The following MMP26 variants were observed in gnomAD, a reference collection of about 807,000 sequenced individuals.
The protein encoded by MMP26 is matrix metalloproteinase-26.
In MMP26, 33 loss-of-function variants were observed where a neutral mutation model predicts 31.0. The ratio of observed to expected loss-of-function variants is 1.06; its 90% CI spans 0.81 to 1.42. MMP26 has a LOEUF of 1.42. Among genes scored for constraint, MMP26 ranks in the 40% most tolerant of loss-of-function variants. The probability of loss-of-function intolerance (pLI) is 0.00; values close to 1 mark genes in which losing one functional copy is unlikely to be tolerated. For missense variants in MMP26, 347 were observed against 316.1 expected (o/e 1.10, Z -0.74); for synonymous variants, 122 against 114.9 (o/e 1.06, Z -0.40).
rs73405010 is a variant in MMP26, at chr11:4,881,980, C to G, written c.-144-106088C>G. 1,618 of 1,613,898 alleles carry G rather than the reference C, an allele frequency of 1.0e-3. 25 individuals carry two copies. In the African/African-American group the frequency reaches 0.018, roughly 18 times the overall value. ...TCCCTGGGCTGGAATGTGCTCATGTCTGGATCTCCATTCCAGTCTGCTGTC... is the reference window on the plus strand; with the variant it reads ...TCCCTGGGCTGGAATGTGCTCATGTGTGGATCTCCATTCCAGTCTGCTGTC... On this transcript the variant is annotated intron_variant, in intron 2 of 7. Transcript: ENST00000380390.
In MMP26 at chr11:4,749,636, C is replaced by T. The variant is rs74997566; in HGVS notation, c.-216-17634C>T. ...AGAAATAAAGCCACATATCTACAGC[C>T]GGCTGATCTGTGACAGTGTTGACAA... On this transcript the variant is annotated intron_variant, in intron 1 of 7. Transcript: ENST00000380390. 8.7e-4 allele frequency among the ~76,000 whole-genome samples: 133 copies of T among 152,092 alleles called. 1 individual carries two copies. Among genetic ancestry groups the T allele is most frequent in the African/African-American group, 2.9e-3 (122 of 41,532 alleles).
chr11:4,946,745 A>G (rs1846315751), intron 2 of MMP26: 8 of 1,589,294 alleles, frequency 5.0e-6, no homozygotes, highest in East Asian at 4.5e-5. Flanking sequence ...AAATGACATG[A>G]TCAGGAGGAC....
rs539100285 is a variant in MMP26, at chr11:4,915,013, C to T, written c.-144-73055C>T. On this transcript the variant is annotated intron_variant, in intron 2 of 7. Coordinates refer to ENST00000380390, the MANE Select transcript of MMP26 (RefSeq NM_021801.5). ...TCAGAGCATAAGAGAAGAGGATGAG[C>T]AGTGAGTCTATACCCACTGTAGAGA... 54 of 1,614,032 alleles carry T rather than the reference C, an allele frequency of 3.3e-5. No homozygotes were observed. In the South Asian group the frequency reaches 5.4e-4, roughly 16 times the overall value.
intron 2 of MMP26, among the ~76,000 whole-genome samples, chr11:4,813,837 C>T (rs1467362846): frequency 6.6e-6 from 1 of 151,234 alleles, no homozygotes; most frequent in Non-Finnish European, 1.5e-5. Flanking sequence ...AAAAAAAAAT[C>T]TCCTTCAAAA....
At chr11:4,747,495 G>T (rs1447088199) in intron 1 of MMP26, among the ~76,000 whole-genome samples, 1 of 152,166 alleles carries the variant, frequency 6.6e-6, no homozygotes, top group Non-Finnish European at 1.5e-5. Flanking sequence ...TACCTCTATA[G>T]AGAAGTCAGA....
At chr11:4,908,564 G>A (rs1228637708) in intron 2 of MMP26, 3 of 503,466 alleles carry the variant, frequency 6.0e-6, no homozygotes, top group Non-Finnish European at 1.1e-5. Flanking sequence ...GGAGCAGCTG[G>A]ATTTGAGTCA....
intron 2 of MMP26, among the ~76,000 whole-genome samples, chr11:4,953,504 G>A (rs1324637799): frequency 8.1e-6 from 1 of 122,726 alleles, no homozygotes; most frequent in Non-Finnish European, 1.8e-5. Context: ...AAAAGAGAGG[G>A]TCATAATACA....
At chr11:4,721,055 C>T (rs747489893) in intron 1 of MMP26, among the ~76,000 whole-genome samples, 11 of 152,172 alleles carry the variant, frequency 7.2e-5, no homozygotes, top group Admixed American at 4.6e-4. Flanking sequence ...CAGCAGCTTC[C>T]GGTGTCCTAG....
chr11:4,769,786 G>A (rs1848690247), intron 2 of MMP26: 1 of 1,613,606 alleles, frequency 6.2e-7, no homozygotes, highest in South Asian at 1.1e-5. Flanking sequence ...GGATCACGCT[G>A]TTCCCAGAGA....
At chr11:4,879,670 G>A (rs531303683) in intron 2 of MMP26, among the ~76,000 whole-genome samples, 46 of 152,220 alleles carry the variant, frequency 3.0e-4, no homozygotes, top group African/African-American at 1.1e-3. Context: ...GCGTTTGAAA[G>A]ATATAGTTTC....
rs77925397 is a variant in MMP26 at position 4,744,121 on chromosome 11, T to C, written c.-216-23149T>C. ...AGCAGGACTATTCTTACTCCCCATG[T>C]CTATTTCTACTCTTCAGGGATACTA... On this transcript the variant is annotated intron_variant, in intron 1 of 7. Coordinates refer to ENST00000380390, the MANE Select transcript of MMP26 (RefSeq NM_021801.5). Among the ~76,000 whole-genome samples the C allele has an allele frequency of 5.7e-3, 872 of 152,222 alleles. 10 individuals are homozygous for C. The highest frequency in any genetic ancestry group is 0.019 in the African/African-American group (804 of 41,540).
chr11:4,989,619 T>C, intron 3 of MMP26, 29 bp from the exon 4 acceptor site: 2 of 1,576,760 alleles, frequency 1.3e-6, no homozygotes, highest in Non-Finnish European at 1.7e-6. Flanking sequence ...TATTGACTCT[T>C]AGTACTCATC....
chr11:4,926,389 G>A (rs1210430630), intron 2 of MMP26, among the ~76,000 whole-genome samples: 2 of 152,090 alleles, frequency 1.3e-5, no homozygotes, highest in Admixed American at 6.6e-5. Context: ...TTATGGGAGA[G>A]AGAGCATTCA....
At chr11:4,962,472 G>A (rs113876711) in intron 2 of MMP26, among the ~76,000 whole-genome samples, 1,893 of 152,266 alleles carry the variant, frequency 0.012, 53 homozygotes, top group African/African-American at 0.043. Flanking sequence ...GGTTAGGACA[G>A]ATGATAGAGG....
Position 4,966,213 on chromosome 11 carries a change from T to C in MMP26, c.-144-21855T>C, listed in dbSNP as rs576481026. On this transcript the variant is annotated intron_variant, in intron 2 of 7. Transcript: ENST00000380390. ...TTACAATAGGGAAAAGAGATTAGAC[T>C]CAACAAATACAGAAGGAAAAGGAGG... Among the ~76,000 whole-genome samples the C allele has an allele frequency of 2.5e-4, 38 of 152,182 alleles. 1 individual carries two copies. In the South Asian group the frequency reaches 7.5e-3, roughly 30 times the overall value.
intron 1 of MMP26, among the ~76,000 whole-genome samples, chr11:4,720,644 T>C (rs1254489237): frequency 6.6e-6 from 1 of 152,176 alleles, no homozygotes. Flanking sequence ...AGTTTGGGCT[T>C]ATTAAAAACT....
At chr11:4,792,132 G>C (rs925046492) in intron 2 of MMP26, among the ~76,000 whole-genome samples, 14 of 150,938 alleles carry the variant, frequency 9.3e-5, no homozygotes, top group African/African-American at 3.4e-4. Flanking sequence ...TAATAAGTTA[G>C]TATACTGATA....
intron 2 of MMP26, among the ~76,000 whole-genome samples, chr11:4,961,884 C>T (rs1001006614): frequency 6.6e-6 from 1 of 152,154 alleles, no homozygotes; most frequent in Non-Finnish European, 1.5e-5. Context: ...CAATGAAAAA[C>T]AGTTTCAAGG....
At chr11:4,713,098 G>A (rs1164455411) in intron 1 of MMP26, among the ~76,000 whole-genome samples, 1 of 151,932 alleles carries the variant, frequency 6.6e-6, no homozygotes, top group Non-Finnish European at 1.5e-5. Context: ...GGGAAAATGT[G>A]ATGTTTGTAC....
Sources: gnomAD v4.1 joint callset for allele counts (sites outside exome capture counted in the v4.1 genomes callset) on GRCh38, gnomAD v4.1.1 for gene constraint, MANE v1.5 for transcripts, NCBI Gene and HGNC (gene_info 2026-07-23, HGNC 2026-07-21) for gene names.